Variants in NAV2 observed in about 807,000 individuals in gnomAD.
NAV2 encodes neuron navigator 2.
Under a neutral mutation model 223.2 loss-of-function variants are expected in NAV2, and 54 were observed. That is an observed-to-expected ratio of 0.24 (90% confidence interval 0.19 to 0.30). The LOEUF is 0.30. Among genes scored for constraint, NAV2 ranks in the 10% least tolerant of loss-of-function variants. The pLI, the probability that NAV2 is intolerant of heterozygous loss-of-function variation, is 1.00. For missense variants in NAV2, 2,806 were observed against 3,147.5 expected (o/e 0.89, Z 2.60); for synonymous variants, 1,279 against 1,239.3 (o/e 1.03, Z -0.67).
At chr11:19,691,999 A>C (rs939172721) in intron 1 of NAV2, among the ~76,000 whole-genome samples, 5 of 152,196 alleles carry the variant, frequency 3.3e-5, no homozygotes, top group African/African-American at 1.2e-4. Context: ...GGTGGTTTGA[A>C]GGGTTTTGCA....
intron 1 of NAV2, among the ~76,000 whole-genome samples, chr11:19,417,525 A>G (rs891676454): frequency 6.6e-6 from 1 of 152,236 alleles, no homozygotes; most frequent in Non-Finnish European, 1.5e-5. Flanking sequence ...ATCATTATGG[A>G]AGGCAGTGCG....
At chr11:19,999,668 G>A in intron 11 of NAV2, among the ~76,000 whole-genome samples, 1 of 152,122 alleles carries the variant, frequency 6.6e-6, no homozygotes, top group East Asian at 1.9e-4. Context: ...ACCGCACTGG[G>A]CCAGGAAAAA....
At chr11:19,891,394 C>T (rs891738607) in intron 5 of NAV2, among the ~76,000 whole-genome samples, 1 of 152,154 alleles carries the variant, frequency 6.6e-6, no homozygotes, top group East Asian at 1.9e-4. Flanking sequence ...GGACCAAAAT[C>T]CTGATTTGAG....
chr11:19,510,261 C>A (rs373403581), intron 1 of NAV2, among the ~76,000 whole-genome samples: 1 of 152,180 alleles, frequency 6.6e-6, no homozygotes, highest in African/African-American at 2.4e-5. Context: ...AAGTCATTAA[C>A]CCTCACAGTT....
chr11:19,942,763 C>T (rs1412473366), intron 8 of NAV2, among the ~76,000 whole-genome samples: 6 of 152,180 alleles, frequency 3.9e-5, no homozygotes, highest in Admixed American at 2.0e-4. Flanking sequence ...GTGAGAGGAT[C>T]GCTTGAGGCC....
intron 1 of NAV2, among the ~76,000 whole-genome samples, chr11:19,778,172 T>C (rs1281211928): frequency 6.6e-6 from 1 of 152,194 alleles, no homozygotes; most frequent in Admixed American, 6.5e-5. Flanking sequence ...CTGAGTTGTT[T>C]CTCCATCCCA....
chr11:19,698,120 TCC>T lies in NAV2; in HGVS notation c.76-134363_76-134362del, dbSNP rs928964844. Reference sequence around the variant, plus strand: ...ACCCACTTCCCTGCTCATTGTGTAATCCAGGAGAGAACGGGGTGTAATCGTTA... The same window carrying T: ...ACCCACTTCCCTGCTCATTGTGTAATAGGAGAGAACGGGGTGTAATCGTTA... On this transcript the variant is annotated intron_variant, in intron 1 of 37. Coordinates refer to the NAV2 transcript ENST00000360655. Among the ~76,000 whole-genome samples the T allele has an allele frequency of 1.7e-3, 254 of 152,252 alleles. 1 individual carries two copies. The highest frequency in any genetic ancestry group is 5.9e-3 in the African/African-American group (244 of 41,556).
chr11:19,899,935 G>A (rs1175208120), intron 6 of NAV2, among the ~76,000 whole-genome samples: 2 of 152,116 alleles, frequency 1.3e-5, no homozygotes, highest in East Asian at 3.9e-4. Context: ...GTGGGGTAGG[G>A]CCTCCCTTGG....
chr11:20,078,132 A>G (rs1369216222), intron 24 of NAV2, 28 bp downstream of exon 24: 2 of 1,545,430 alleles, frequency 1.3e-6, no homozygotes, highest in East Asian at 4.5e-5. Flanking sequence ...GCCTTTAGCC[A>G]GAAGACCTGC....
intron 1 of NAV2, among the ~76,000 whole-genome samples, chr11:19,424,080 A>AT (rs1387440769): frequency 6.6e-6 from 1 of 152,022 alleles, no homozygotes; most frequent in Admixed American, 6.5e-5. Context: ...TGCTCTTAGA[A>AT]TTTTAGCTAT....
intron 1 of NAV2, among the ~76,000 whole-genome samples, chr11:19,467,965 C>A (rs1852427198): frequency 6.6e-6 from 1 of 152,194 alleles, no homozygotes; most frequent in Admixed American, 6.5e-5. Flanking sequence ...GGGTGAGAAT[C>A]AACAGCGAGT....
At chr11:19,559,523 A>AT (rs2045022146) in intron 1 of NAV2, among the ~76,000 whole-genome samples, 1 of 152,184 alleles carries the variant, frequency 6.6e-6, no homozygotes, top group Non-Finnish European at 1.5e-5. Context: ...TTATTTTGAG[A>AT]TTTTAATTTG....
chr11:19,460,428 T>C (rs970960436), intron 1 of NAV2, among the ~76,000 whole-genome samples: 1 of 152,188 alleles, frequency 6.6e-6, no homozygotes, highest in African/African-American at 2.4e-5. Context: ...GTACTCAGCA[T>C]GTTGCCCACC....
chr11:20,069,453 C>T (rs1049189501), intron 22 of NAV2, among the ~76,000 whole-genome samples: 2 of 152,026 alleles, frequency 1.3e-5, no homozygotes, highest in African/African-American at 2.4e-5. Flanking sequence ...CCTCTCAGTG[C>T]GTTTTAAGTA....
chr11:20,108,882 C>T (rs765639164), intron 36 of NAV2, among the ~76,000 whole-genome samples: 18 of 152,222 alleles, frequency 1.2e-4, no homozygotes, highest in Non-Finnish European at 2.1e-4. Context: ...GCTTTTAACA[C>T]TCACAGTTAG....
intron 27 of NAV2, 130 bp downstream of exon 27, chr11:20,091,148 T>A: frequency 1.2e-6 from 1 of 824,172 alleles, no homozygotes; most frequent in Non-Finnish European, 1.9e-6. Flanking sequence ...CCTTTATCTC[T>A]TTTCAGTCCC....
chr11:20,025,300 G>C (rs571888116), intron 11 of NAV2, among the ~76,000 whole-genome samples: 6 of 152,182 alleles, frequency 3.9e-5, no homozygotes, highest in Non-Finnish European at 2.9e-5. Flanking sequence ...AATGTTTACT[G>C]TTATTTTCAT....
At chr11:19,657,317 A>G (rs2048154195) in intron 1 of NAV2, among the ~76,000 whole-genome samples, 1 of 152,254 alleles carries the variant, frequency 6.6e-6, no homozygotes, top group African/African-American at 2.4e-5. Context: ...ACGTTTTGCT[A>G]GTTTGTACTT....
intron 10 of NAV2, among the ~76,000 whole-genome samples, chr11:19,955,455 G>A (rs894550): frequency 0.91 from 138,081 of 152,134 alleles, 62,760 homozygotes; most frequent in East Asian, 0.98. Flanking sequence ...ACCATATTCC[G>A]CTAAATGAAT....
Sources: gnomAD v4.1 joint callset for allele counts (sites outside exome capture counted in the v4.1 genomes callset) on GRCh38, gnomAD v4.1.1 for gene constraint, MANE v1.5 for transcripts, NCBI Gene and HGNC (gene_info 2026-07-23, HGNC 2026-07-21) for gene names.